Variants in CAMTA1 observed in about 807,000 individuals in gnomAD.
CAMTA1 encodes calmodulin binding transcription activator 1.
A neutral mutation model predicts 170.9 loss-of-function variants in CAMTA1; 27 were observed. The ratio of observed to expected loss-of-function variants is 0.16; its 90% CI spans 0.12 to 0.22. CAMTA1 has a LOEUF of 0.22. CAMTA1 is among the 10% of genes least tolerant of loss of function. The pLI is 1.00. For missense variants in CAMTA1, 1,619 were observed against 2,217.2 expected (o/e 0.73, Z 5.42); for synonymous variants, 833 against 891.5 (o/e 0.93, Z 1.17).
intron 4 of CAMTA1, among the ~76,000 whole-genome samples, chr1:7,121,727 G>A (rs746768284): frequency 3.3e-5 from 5 of 152,154 alleles, no homozygotes; most frequent in Admixed American, 6.5e-5. Flanking sequence ...GAGCTGGCAC[G>A]GCGAGTTCTG....
rs935013558 is a variant in CAMTA1, at chr1:7,199,288, C to T, written c.303-50203C>T. Among the ~76,000 whole-genome samples the T allele has an allele frequency of 2.0e-5, 3 of 152,356 alleles. No homozygotes were observed. In the East Asian group the frequency reaches 5.8e-4, roughly 29 times the overall value. Reference sequence around the variant, plus strand: ...GTCTGACTGTGGGAAGCAAGCTGCGCTCAGCGGGGCATCAGTTCCAAGCGG... The same window carrying T: ...GTCTGACTGTGGGAAGCAAGCTGCGTTCAGCGGGGCATCAGTTCCAAGCGG... On this transcript the variant is annotated intron_variant, in intron 4 of 22. Transcript: ENST00000303635.
In CAMTA1 at chr1:7,691,713, G is replaced by A. The variant is rs568596785; in HGVS notation, c.2914+13980G>A. Among the ~76,000 whole-genome samples the A allele has an allele frequency of 4.6e-5, 7 of 152,256 alleles. No individual in the cohort carries two copies. In the South Asian group the frequency reaches 1.5e-3, roughly 32 times the overall value. ...GAAAAGTCAATGGCAGGTGGGTGTA[G>A]CCCCAGAGCTGAGAGAGCAAATAGA... On this transcript the variant is annotated intron_variant, in intron 11 of 22. Transcript: ENST00000303635.
chr1:7,728,371 G>C (rs752494879), intron 11 of CAMTA1, among the ~76,000 whole-genome samples: 17 of 152,272 alleles, frequency 1.1e-4, no homozygotes, highest in Non-Finnish European at 4.4e-5. Context: ...CAGCAGGCAG[G>C]CTCGCTCCAG....
At chr1:7,442,218 T>C (rs1169328137) in intron 5 of CAMTA1, among the ~76,000 whole-genome samples, 1 of 152,204 alleles carries the variant, frequency 6.6e-6, no homozygotes, top group African/African-American at 2.4e-5. Context: ...TCAAATTTCC[T>C]GTGATGAGAA....
rs1400489663 is a variant in CAMTA1 at position 7,010,464 on chromosome 1, T to C, written c.235-80840T>C. The stretch of plus-strand genomic sequence containing the variant: ...CCTGAGGATGCCAGGAGACGCTTTC[T>C]GAACACAGTCTGCGTCCTTCCTTAT... On this transcript the variant is annotated intron_variant, in intron 3 of 22. Coordinates refer to ENST00000303635, the MANE Select transcript of CAMTA1 (RefSeq NM_015215.4). The surrounding 1 kb of genome is among the most constrained non-coding windows in gnomAD (Gnocchi z 4.4). Among the ~76,000 whole-genome samples the C allele has an allele frequency of 2.0e-5, 3 of 152,228 alleles. No individual in the cohort carries two copies. The highest frequency in any genetic ancestry group is 2.9e-5 in the Non-Finnish European group (2 of 68,042).
chr1:7,012,459 G>A lies in CAMTA1; in HGVS notation c.235-78845G>A, dbSNP rs548336069. On this transcript the variant is annotated intron_variant, in intron 3 of 22. Coordinates refer to ENST00000303635, the MANE Select transcript of CAMTA1 (RefSeq NM_015215.4). ...CTCTCCTCCCTGGATCTTCCCGTCA[G>A]CATACAAACATGCCACGATTTCTCC... 5.3e-5 allele frequency among the ~76,000 whole-genome samples: 8 copies of A among 152,218 alleles called. No homozygotes were observed. In the East Asian group the frequency reaches 1.5e-3, roughly 29 times the overall value.
chr1:7,228,366 G>A (rs1036560001), intron 4 of CAMTA1, among the ~76,000 whole-genome samples: 1 of 152,228 alleles, frequency 6.6e-6, no homozygotes, highest in Non-Finnish European at 1.5e-5. Flanking sequence ...ACTTTGGGGG[G>A]CCGAGGCGGG....
intron 5 of CAMTA1, among the ~76,000 whole-genome samples, chr1:7,289,247 C>G (rs2149492573): frequency 6.6e-6 from 1 of 152,264 alleles, no homozygotes; most frequent in South Asian, 2.1e-4. Context: ...GGCAGGGACA[C>G]AGATCCAAAC....
intron 6 of CAMTA1, among the ~76,000 whole-genome samples, chr1:7,476,583 C>T (rs1426146587): frequency 6.6e-6 from 1 of 152,198 alleles, no homozygotes; most frequent in Non-Finnish European, 1.5e-5. Context: ...TCACCCGGCA[C>T]AGGGCTGTCT....
chr1:7,432,205 G>A (rs1193220), intron 5 of CAMTA1, among the ~76,000 whole-genome samples: 70,860 of 152,050 alleles, frequency 0.47, 17,592 homozygotes, highest in East Asian at 0.71. Flanking sequence ...AGGAGCATCC[G>A]TATTCTCTTT....
At chr1:7,488,253 G>A (rs2093644121) in intron 6 of CAMTA1, among the ~76,000 whole-genome samples, 1 of 152,188 alleles carries the variant, frequency 6.6e-6, no homozygotes, top group South Asian at 2.1e-4. Flanking sequence ...TGGACAGGGG[G>A]CTGGAGCAGC....
intron 4 of CAMTA1, among the ~76,000 whole-genome samples, chr1:7,129,043 G>C (rs1645097372): frequency 1.3e-5 from 2 of 151,718 alleles, no homozygotes; most frequent in African/African-American, 4.8e-5. Context: ...TCACTATGTT[G>C]GACAGGCTGA....
chr1:7,103,598 C>T (rs1314809831), intron 4 of CAMTA1, among the ~76,000 whole-genome samples: 2 of 138,998 alleles, frequency 1.4e-5, no homozygotes, highest in African/African-American at 5.6e-5. Flanking sequence ...ACACAACACA[C>T]ATGTACACAA....
intron 3 of CAMTA1, among the ~76,000 whole-genome samples, chr1:7,084,386 GA>G (rs1178276954): frequency 6.6e-6 from 1 of 152,144 alleles, no homozygotes. Flanking sequence ...CTCTGGGCTG[GA>G]CCCTTCTATG....
chr1:7,490,567 G>A lies in CAMTA1; in HGVS notation c.510+22666G>A, dbSNP rs547970040. On this transcript the variant is annotated intron_variant, in intron 6 of 22. Transcript: ENST00000303635. The stretch of plus-strand genomic sequence containing the variant: ...CTCGGGAGGCTGAGGCCGGAGAATC[G>A]CTTGAACCCAGGAGGCGGAGGTTGC... 5.9e-5 allele frequency among the ~76,000 whole-genome samples: 9 copies of A among 152,184 alleles called. No individual in the cohort carries two copies. The East Asian group carries it at 1.5e-3, about 26-fold the overall frequency.
At chr1:7,309,507 G>GC (rs1339459700) in intron 5 of CAMTA1, among the ~76,000 whole-genome samples, 3 of 151,296 alleles carry the variant, frequency 2.0e-5, no homozygotes, top group African/African-American at 7.3e-5. Flanking sequence ...CACCGTTTTA[G>GC]CCGGGATGGT....
intron 22 of CAMTA1, among the ~76,000 whole-genome samples, chr1:7,761,896 A>C (rs1416225948): frequency 6.6e-6 from 1 of 152,172 alleles, no homozygotes; most frequent in African/African-American, 2.4e-5. Context: ...CATGCCTGTA[A>C]TCCCAGCACT....
chr1:7,744,320 C>A (rs2096841585), intron 16 of CAMTA1, among the ~76,000 whole-genome samples: 1 of 151,530 alleles, frequency 6.6e-6, no homozygotes, highest in Non-Finnish European at 1.5e-5. Flanking sequence ...TTAGTAGGGA[C>A]AGGGTTTCAT....
chr1:7,613,873 C>T (rs1576403275), intron 6 of CAMTA1, among the ~76,000 whole-genome samples: 1 of 123,430 alleles, frequency 8.1e-6, no homozygotes, highest in African/African-American at 3.2e-5. Flanking sequence ...GGGAGGAGAG[C>T]GATGGTGGAG....
Sources: allele counts gnomAD v4.1 joint callset (sites outside exome capture counted in the v4.1 genomes callset), GRCh38; gene constraint gnomAD v4.1.1; non-coding constraint Gnocchi (gnomAD v3.1); transcripts MANE v1.5; gene names NCBI Gene and HGNC (gene_info 2026-07-23, HGNC 2026-07-21).